The following SNX29 variants were observed in gnomAD, a reference collection of about 807,000 sequenced individuals.
The protein encoded by SNX29 is sorting nexin 29.
SNX29 carries 78 observed loss-of-function variants against 102.1 expected under a neutral mutation model. The ratio of observed to expected loss-of-function variants is 0.76; its 90% CI spans 0.64 to 0.92. SNX29 has a LOEUF of 0.92. SNX29 is among the 40% of genes least tolerant of loss of function. The pLI is 0.00. For missense variants in SNX29, 1,280 were observed against 1,061.7 expected (o/e 1.21, Z -2.86); for synonymous variants, 580 against 414.5 (o/e 1.40, Z -4.85).
At chr16:12,498,279 C>T (rs962559419) in intron 19 of SNX29, among the ~76,000 whole-genome samples, 12 of 152,056 alleles carry the variant, frequency 7.9e-5, no homozygotes, top group African/African-American at 2.4e-4. Context: ...AGCATGTGCA[C>T]GTTAGCAGGT....
intron 18 of SNX29, among the ~76,000 whole-genome samples, chr16:12,432,000 C>T (rs746866461): frequency 6.6e-6 from 1 of 152,180 alleles, no homozygotes; most frequent in African/African-American, 2.4e-5. Flanking sequence ...GATGGCTGCT[C>T]CCAAGGAGTG....
chr16:12,035,780 C>T (rs1474258523), intron 4 of SNX29, among the ~76,000 whole-genome samples: 3 of 152,120 alleles, frequency 2.0e-5, no homozygotes, highest in Admixed American at 1.3e-4. Context: ...TCCTTTATCT[C>T]GGTGAGGGAT....
intron 3 of SNX29, among the ~76,000 whole-genome samples, chr16:12,008,812 G>T (rs964009260): frequency 1.3e-5 from 2 of 150,660 alleles, no homozygotes; most frequent in African/African-American, 4.9e-5. Context: ...CGCAATCTCA[G>T]TTCACTGCAA....
intron 19 of SNX29, among the ~76,000 whole-genome samples, chr16:12,482,890 T>G (rs2088014063): frequency 6.6e-6 from 1 of 152,168 alleles, no homozygotes; most frequent in African/African-American, 2.4e-5. Context: ...GGACCCAGCA[T>G]TTGTCTTTAC....
intron 14 of SNX29, among the ~76,000 whole-genome samples, chr16:12,214,614 C>G (rs1293725705): frequency 6.6e-6 from 1 of 152,030 alleles, no homozygotes; most frequent in South Asian, 2.1e-4. Context: ...CGATACCCTG[C>G]ACAGAGAGAG....
intron 14 of SNX29, among the ~76,000 whole-genome samples, chr16:12,216,191 GAAAAT>G (rs2077318709): frequency 6.6e-6 from 1 of 152,146 alleles, no homozygotes; most frequent in African/African-American, 2.4e-5. Flanking sequence ...AGAAAAAGGA[GAAAAT>G]AAAATATCAT....
chr16:12,365,931 A>G (rs1281844942), intron 16 of SNX29, among the ~76,000 whole-genome samples: 3 of 144,062 alleles, frequency 2.1e-5, no homozygotes, highest in East Asian at 4.2e-4. Context: ...AGTCCCAGCT[A>G]CTCGGGAGGC....
intron 15 of SNX29, among the ~76,000 whole-genome samples, chr16:12,289,495 C>T (rs1170626252): frequency 6.6e-6 from 1 of 152,126 alleles, no homozygotes; most frequent in Non-Finnish European, 1.5e-5. Flanking sequence ...CTGGTGAGGT[C>T]ACCACCCTCT....
chr16:12,299,120 C>T (rs992896533), intron 15 of SNX29, among the ~76,000 whole-genome samples: 14 of 151,814 alleles, frequency 9.2e-5, no homozygotes, highest in Admixed American at 6.6e-4. Context: ...GCCAACATGG[C>T]GAGACCCTAT....
chr16:12,316,673 C>T (rs1180414602), intron 15 of SNX29, among the ~76,000 whole-genome samples: 2 of 152,194 alleles, frequency 1.3e-5, no homozygotes, highest in African/African-American at 4.8e-5. Flanking sequence ...CGTTCCACAT[C>T]TTAAGGTCCC....
chr16:12,206,215 C>CT (rs2077040459), intron 14 of SNX29, among the ~76,000 whole-genome samples: 1 of 152,138 alleles, frequency 6.6e-6, no homozygotes, highest in African/African-American at 2.4e-5. Flanking sequence ...TTTAATCTGT[C>CT]TTAAGCCAAA....
chr16:12,301,996 C>T (rs2080188505), intron 15 of SNX29, among the ~76,000 whole-genome samples: 1 of 152,138 alleles, frequency 6.6e-6, no homozygotes, highest in African/African-American at 2.4e-5. Context: ...CAGTTATATA[C>T]AAAAGAAAGA....
At chr16:12,365,832 G>A (rs1468855528) in intron 16 of SNX29, among the ~76,000 whole-genome samples, 1 of 151,866 alleles carries the variant, frequency 6.6e-6, no homozygotes, top group African/African-American at 2.4e-5. Context: ...CATGAGGTCA[G>A]GAGATCGAGA....
chr16:12,076,303 CTTTT>C (rs541884560), intron 10 of SNX29, among the ~76,000 whole-genome samples: 3 of 139,808 alleles, frequency 2.1e-5, no homozygotes, highest in Admixed American at 7.1e-5. Flanking sequence ...TGGCTCCTCC[CTTTT>C]TTTTTTTTTT....
intron 11 of SNX29, chr16:12,087,631 T>G: frequency 2.8e-6 from 1 of 359,088 alleles, no homozygotes. Flanking sequence ...ACTCATTAGA[T>G]GGTAAAGCAG....
chr16:12,572,791 T>TCC lies in SNX29; in HGVS notation c.*4165_*4166dup. On this transcript the variant is annotated 3_prime_UTR_variant, in exon 21 of 21. Coordinates refer to ENST00000566228, the MANE Select transcript of SNX29 (RefSeq NM_032167.5). The stretch of plus-strand genomic sequence containing the variant: ...AGGAAGACCCCACCTCACTCCTCCT[T>TCC]CCCCAGTACATCAGACTGGTTAGGA... 2 of 1,063,408 alleles carry TCC rather than the reference T, an allele frequency of 1.9e-6. No individual in the cohort carries two copies. The highest frequency in any genetic ancestry group is 2.3e-6 in the Non-Finnish European group (2 of 878,068). 65.9% of individuals were successfully genotyped at this position (1,063,408 alleles called of 1,614,324 possible).
intron 19 of SNX29, among the ~76,000 whole-genome samples, chr16:12,483,932 G>A (rs1013354604): frequency 5.1e-4 from 78 of 152,330 alleles, no homozygotes; most frequent in African/African-American, 1.8e-3. Flanking sequence ...CTAATGCCCA[G>A]GGAGCAAAGG....
intron 20 of SNX29, among the ~76,000 whole-genome samples, chr16:12,541,147 A>G (rs959632254): frequency 6.6e-6 from 1 of 152,150 alleles, no homozygotes; most frequent in South Asian, 2.1e-4. Flanking sequence ...TGACCTTACT[A>G]CATCATACCC....
chr16:12,537,497 G>C (rs561996232), intron 20 of SNX29, among the ~76,000 whole-genome samples: 1 of 152,186 alleles, frequency 6.6e-6, no homozygotes, highest in African/African-American at 2.4e-5. Context: ...TAGTGGCAGA[G>C]ATTTCACAGG....
Sources: gnomAD v4.1 joint callset for allele counts (sites outside exome capture counted in the v4.1 genomes callset) on GRCh38, gnomAD v4.1.1 for gene constraint, MANE v1.5 for transcripts, NCBI Gene and HGNC (gene_info 2026-07-23, HGNC 2026-07-21) for gene names.